RNF144B: variants seen among roughly 807,000 people sequenced by gnomAD.
RNF144B encodes ring finger protein 144B, also known as E3 ubiquitin-protein ligase RNF144B.
In RNF144B, 25 loss-of-function variants were observed where a neutral mutation model predicts 40.2. The ratio of observed to expected loss-of-function variants is 0.62; its 90% CI spans 0.45 to 0.87. RNF144B has a LOEUF of 0.87. Among genes scored for constraint, RNF144B ranks in the 40% least tolerant of loss-of-function variants. RNF144B has a pLI of 0.00. For synonymous variants in RNF144B, 145 were observed against 136.3 expected (o/e 1.06, Z -0.44); for missense variants, 365 against 373.7 (o/e 0.98, Z 0.19).
At chr6:18,403,415 A>C (rs1260925004) in intron 2 of RNF144B, among the ~76,000 whole-genome samples, 1 of 152,354 alleles carries the variant, frequency 6.6e-6, no homozygotes, top group East Asian at 1.9e-4. Context: ...GGCATGGCCT[A>C]TTTACCTTTC....
At position 18,442,664 on chromosome 6, in the gene RNF144B, A is replaced by T. The variant is rs751727890; in HGVS notation, c.331+2920A>T. 3.9e-5 allele frequency among the ~76,000 whole-genome samples: 6 copies of T among 152,176 alleles called. No homozygotes were observed. Among genetic ancestry groups the T allele is most frequent in the African/African-American group, 4.8e-5 (2 of 41,454 alleles). On this transcript the variant is annotated intron_variant, in intron 4 of 7. Coordinates refer to ENST00000259939, the MANE Select transcript of RNF144B (RefSeq NM_182757.4). This position sits in a 1 kb window ranked among gnomAD's most constrained non-coding sequence, Gnocchi z 4.3. The stretch of plus-strand genomic sequence containing the variant: ...TCACCACTGCTTCTAAAGCTCTTTC[A>T]TGATCCCAAATTCTGTAGCCATTAA...
chr6:18,388,391 C>G (rs1239241656), intron 1 of RNF144B, among the ~76,000 whole-genome samples: 1 of 152,142 alleles, frequency 6.6e-6, no homozygotes, highest in African/African-American at 2.4e-5. Context: ...GGCAATGTAT[C>G]TAACATTTCT....
intron 2 of RNF144B, 73 bp downstream of exon 2, chr6:18,399,772 T>A (rs1407431375): frequency 1.6e-6 from 2 of 1,272,546 alleles, no homozygotes; most frequent in Non-Finnish European, 2.2e-6. Context: ...TATATTTCTG[T>A]GGTTTACTGA....
At chr6:18,392,706 A>G (rs1794609594) in intron 1 of RNF144B, among the ~76,000 whole-genome samples, 1 of 152,192 alleles carries the variant, frequency 6.6e-6, no homozygotes, top group Non-Finnish European at 1.5e-5. Flanking sequence ...ACAGTGATAC[A>G]ATACTGCCAC....
Position 18,419,428 on chromosome 6 carries a change from C to G in RNF144B, c.166-8153C>G, listed in dbSNP as rs1795209433. On this transcript the variant is annotated intron_variant, in intron 2 of 7. Transcript: ENST00000259939. This position sits in a 1 kb window ranked among gnomAD's most constrained non-coding sequence, Gnocchi z 4.6. ...GTTCTATATAGCAAATGAGGCGACCCAGGAAGAAAGTGTAGAAAGAAGAGA... is the reference window on the plus strand; with the variant it reads ...GTTCTATATAGCAAATGAGGCGACCGAGGAAGAAAGTGTAGAAAGAAGAGA... 6.6e-6 allele frequency among the ~76,000 whole-genome samples: 1 copy of G among 152,086 alleles called. No homozygotes were observed. Among genetic ancestry groups the G allele is most frequent in the African/African-American group, 2.4e-5 (1 of 41,404 alleles).
chr6:18,409,713 G>A (rs1182701192), intron 2 of RNF144B, among the ~76,000 whole-genome samples: 1 of 151,892 alleles, frequency 6.6e-6, no homozygotes, highest in Admixed American at 6.6e-5. Context: ...TGGGATTACA[G>A]GCAGGTGCCA....
intron 2 of RNF144B, among the ~76,000 whole-genome samples, chr6:18,413,319 C>T (rs1795084049): frequency 6.6e-6 from 1 of 152,120 alleles, no homozygotes; most frequent in Admixed American, 6.5e-5. Context: ...TGACAACTGG[C>T]TACTGATTTT....
At chr6:18,432,199 A>G (rs1044144549) in intron 3 of RNF144B, among the ~76,000 whole-genome samples, 1 of 152,170 alleles carries the variant, frequency 6.6e-6, no homozygotes, top group South Asian at 2.1e-4. Flanking sequence ...ACCCCATTTT[A>G]TATCAGAGAC....
rs987172048 is a variant in RNF144B, at chr6:18,405,523, A to C, written c.165+5824A>C. 2.6e-5 allele frequency among the ~76,000 whole-genome samples: 4 copies of C among 152,302 alleles called. No homozygotes were observed. In the South Asian group the frequency reaches 8.3e-4, roughly 32 times the overall value. ...CTTAACTTTGCTTGGGGTGGTTAGC[A>C]GTAAATCAGTGAATTTGTCTTTGTT... On this transcript the variant is annotated intron_variant, in intron 2 of 7. Transcript: ENST00000259939. This position sits in a 1 kb window ranked among gnomAD's most constrained non-coding sequence, Gnocchi z 4.5.
chr6:18,423,096 T>C (rs1562047976), intron 2 of RNF144B, among the ~76,000 whole-genome samples: 1 of 152,236 alleles, frequency 6.6e-6, no homozygotes, highest in African/African-American at 2.4e-5. Context: ...TGCCTGCCTA[T>C]TCAGAAACAT....
At position 18,419,998 on chromosome 6, in the gene RNF144B, T is replaced by C. The variant is rs188333130; in HGVS notation, c.166-7583T>C. Among the ~76,000 whole-genome samples the C allele has an allele frequency of 6.6e-6, 1 of 152,258 alleles. No individual in the cohort carries two copies. Among genetic ancestry groups the C allele is most frequent in the Admixed American group, 6.5e-5 (1 of 15,286 alleles). ...CAGAAAAGCAGAGTTGGCTCCTATG[T>C]GTCAAGAAAAGAAGAACAGAGGATG... is the stretch of plus-strand genomic sequence containing the variant. On this transcript the variant is annotated intron_variant, in intron 2 of 7. Transcript: ENST00000259939. This position sits in a 1 kb window ranked among gnomAD's most constrained non-coding sequence, Gnocchi z 4.6.
At chr6:18,387,676 G>C in intron 1 of RNF144B, 46 bp downstream of exon 1, 1 of 1,276,130 alleles carries the variant, frequency 7.8e-7, no homozygotes, top group East Asian at 5.6e-5. Flanking sequence ...TGCAAGACCG[G>C]AATGGTGTTG....
chr6:18,430,524 T>A (rs1309274311), intron 3 of RNF144B, among the ~76,000 whole-genome samples: 1 of 151,966 alleles, frequency 6.6e-6, no homozygotes, highest in African/African-American at 2.4e-5. Flanking sequence ...AAACCTGGTT[T>A]TCCTCTGTTG....
At chr6:18,393,674 A>G (rs1429413992) in intron 1 of RNF144B, among the ~76,000 whole-genome samples, 1 of 152,186 alleles carries the variant, frequency 6.6e-6, no homozygotes, top group Non-Finnish European at 1.5e-5. Flanking sequence ...TTTCCTAACA[A>G]GGCAAGGATG....
rs1412518887 is a variant in RNF144B, at chr6:18,460,781, C to T, written c.681+1030C>T. Among the ~76,000 whole-genome samples the T allele has an allele frequency of 6.6e-6, 1 of 152,064 alleles. No individual in the cohort carries two copies. Among genetic ancestry groups the T allele is most frequent in the African/African-American group, 2.4e-5 (1 of 41,394 alleles). ...AGTTTTATTCAGCCCTGTGCCAAGGCTAATGGTAACTTCAGAGTTAAAAAT... is the reference window on the plus strand; with the variant it reads ...AGTTTTATTCAGCCCTGTGCCAAGGTTAATGGTAACTTCAGAGTTAAAAAT... On this transcript the variant is annotated intron_variant, in intron 6 of 7. Transcript: ENST00000259939. This position sits in a 1 kb window ranked among gnomAD's most constrained non-coding sequence, Gnocchi z 4.4.
rs1339854102 is a variant in RNF144B, at chr6:18,418,743, A to G, written c.166-8838A>G. On this transcript the variant is annotated intron_variant, in intron 2 of 7. Transcript: ENST00000259939. The surrounding 1 kb of genome is among the most constrained non-coding windows in gnomAD (Gnocchi z 5.2). ...TGGGTACGTGAATTATATCTCAGTT[A>G]TAGATATCTGAATTATATCTCAATA... Among the ~76,000 whole-genome samples the G allele has an allele frequency of 6.6e-6, 1 of 152,062 alleles. No homozygotes were observed. Among genetic ancestry groups the G allele is most frequent in the Non-Finnish European group, 1.5e-5 (1 of 68,014 alleles).
Position 18,459,582 on chromosome 6 carries a change from C to T in RNF144B, c.537-25C>T, listed in dbSNP as rs1164658959. Reference sequence around the variant, plus strand: ...CAACTGATGACCATCAGCTGAATGCCATTTCTCATCCATTTTGTTTCTAGA... The same window carrying T: ...CAACTGATGACCATCAGCTGAATGCTATTTCTCATCCATTTTGTTTCTAGA... On this transcript the variant is annotated intron_variant, in intron 5 of 7. Transcript: ENST00000259939. This position sits in a 1 kb window ranked among gnomAD's most constrained non-coding sequence, Gnocchi z 4.2. 6.2e-7 allele frequency: 1 copy of T among 1,608,440 alleles called. No individual in the cohort carries two copies. The highest frequency in any genetic ancestry group is 1.7e-5 in the Admixed American group (1 of 59,794).
In RNF144B at chr6:18,398,822, A is replaced by G. The variant is rs1794740290; in HGVS notation, c.-36-677A>G. On this transcript the variant is annotated intron_variant, in intron 1 of 7. Transcript: ENST00000259939. The surrounding 1 kb of genome is among the most constrained non-coding windows in gnomAD (Gnocchi z 5.0). ...TTCAGTTCTTTTGGGTATATACCCG[A>G]TTGCTGGATCATATGTTACCTCTTT... Among the ~76,000 whole-genome samples the G allele has an allele frequency of 6.6e-6, 1 of 152,170 alleles. No individual in the cohort carries two copies. Among genetic ancestry groups the G allele is most frequent in the Non-Finnish European group, 1.5e-5 (1 of 68,032 alleles).
At chr6:18,402,761 T>A (rs9477735) in intron 2 of RNF144B, among the ~76,000 whole-genome samples, 5,508 of 152,288 alleles carry the variant, frequency 0.036, 158 homozygotes, top group African/African-American at 0.075. Context: ...GGGAAAGGAA[T>A]GTGGTAGATG....
Sources: allele counts gnomAD v4.1 joint callset (sites outside exome capture counted in the v4.1 genomes callset), GRCh38; gene constraint gnomAD v4.1.1; non-coding constraint Gnocchi (gnomAD v3.1); transcripts MANE v1.5; gene names NCBI Gene and HGNC (gene_info 2026-07-23, HGNC 2026-07-21).